Variants in RBFOX1 observed in about 807,000 individuals in gnomAD.
RBFOX1 encodes RNA binding protein fox-1 homolog 1.
RBFOX1 carries 8 observed loss-of-function variants against 57.7 expected under a neutral mutation model. That is an observed-to-expected ratio of 0.14 (90% CI 0.08 to 0.25). The LOEUF (loss-of-function observed/expected upper bound fraction) is 0.25, where lower values mean the gene tolerates loss of function less well. Among genes scored for constraint, RBFOX1 ranks in the 10% least tolerant of loss-of-function variants. The pLI is 1.00. For synonymous variants in RBFOX1, 326 were observed against 222.4 expected (o/e 1.47, Z -4.15); for missense variants, 611 against 548.5 (o/e 1.11, Z -1.14).
chr16:7,152,911 T>A (rs2076369629), intron 4 of RBFOX1, among the ~76,000 whole-genome samples: 1 of 152,172 alleles, frequency 6.6e-6, no homozygotes, highest in Non-Finnish European at 1.5e-5. Flanking sequence ...CAGAGATGTT[T>A]TCTGAGAACA....
intron 3 of RBFOX1, among the ~76,000 whole-genome samples, chr16:5,634,729 C>T (rs761259109): frequency 8.5e-5 from 13 of 152,156 alleles, no homozygotes; most frequent in African/African-American, 1.4e-4. Context: ...GGCCCACCAG[C>T]GTATTCTCTC....
rs537196969 is a variant in RBFOX1, at chr16:7,163,433, C to T, written c.27+111335C>T. On this transcript the variant is annotated intron_variant, in intron 4 of 15. Coordinates refer to ENST00000550418, the MANE Select transcript of RBFOX1 (RefSeq NM_018723.4). ...GTGTATGAAGCGGCTGGTCTGGTGA[C>T]GTTTTGCTTTGCAAGTGGGTGACTG... 3.3e-5 allele frequency among the ~76,000 whole-genome samples: 5 copies of T among 152,172 alleles called. No individual in the cohort carries two copies. The East Asian group carries it at 5.8e-4, about 18-fold the overall frequency.
At position 6,959,102 on chromosome 16, in the gene RBFOX1, T is replaced by C. The variant is rs555087321; in HGVS notation, c.-15-92955T>C. Among the ~76,000 whole-genome samples, 8 of 152,324 alleles carry C rather than the reference T, an allele frequency of 5.3e-5. No homozygotes were observed. In the South Asian group the frequency reaches 1.7e-3, roughly 32 times the overall value. ...GCATAAAGATAGGCATTTTCTTTTT[T>C]CTATCGGCTTTGTCTTTTCAGAAAT... On this transcript the variant is annotated intron_variant, in intron 3 of 15. Coordinates refer to ENST00000550418, the MANE Select transcript of RBFOX1 (RefSeq NM_018723.4).
intron 2 of RBFOX1, among the ~76,000 whole-genome samples, chr16:6,345,112 C>A (rs1263811537): frequency 6.6e-6 from 1 of 152,150 alleles, no homozygotes; most frequent in Non-Finnish European, 1.5e-5. Flanking sequence ...AAGCATTCTC[C>A]TGTTTGCCAC....
chr16:7,000,426 T>C (rs1281574714), intron 3 of RBFOX1, among the ~76,000 whole-genome samples: 4 of 152,148 alleles, frequency 2.6e-5, no homozygotes, highest in African/African-American at 9.6e-5. Context: ...CCGGGTCATT[T>C]TTATGCAACA....
rs138262849 is a variant in RBFOX1, at chr16:5,808,251, G to C, written c.319-59052G>C. On this transcript the variant is annotated intron_variant, in intron 3 of 19. Transcript: ENST00000641259. ...AGAAAAGACATAGGAATATTTCTGA[G>C]GGCTGTGTTCTGTTCCACTGATCTA... 2.2e-3 allele frequency among the ~76,000 whole-genome samples: 329 copies of C among 152,306 alleles called. 2 individuals are homozygous for C. Among genetic ancestry groups the C allele is most frequent in the African/African-American group, 7.2e-3 (300 of 41,582 alleles).
chr16:7,021,225 T>A (rs1442110223), intron 3 of RBFOX1, among the ~76,000 whole-genome samples: 2 of 151,980 alleles, frequency 1.3e-5, no homozygotes, highest in Admixed American at 1.3e-4. Context: ...AATTGTTGTT[T>A]CTTATGTGTT....
intron 2 of RBFOX1, among the ~76,000 whole-genome samples, chr16:6,465,884 T>G (rs77684415): frequency 7.5e-5 from 11 of 146,318 alleles, no homozygotes; most frequent in South Asian, 2.2e-4. Flanking sequence ...ATTTGTGTGT[T>G]TGTGTGTGTG....
At chr16:7,458,346 T>G (rs1003912556) in intron 4 of RBFOX1, among the ~76,000 whole-genome samples, 2 of 152,196 alleles carry the variant, frequency 1.3e-5, no homozygotes, top group Admixed American at 6.5e-5. Context: ...CAGTCCACTT[T>G]GTGCCCAGAT....
At chr16:5,395,420 G>A (rs2066522879) in intron 1 of RBFOX1, among the ~76,000 whole-genome samples, 1 of 151,216 alleles carries the variant, frequency 6.6e-6, no homozygotes, top group Admixed American at 6.6e-5. Context: ...TGTGAATAAC[G>A]CAGTTGCGGG....
intron 3 of RBFOX1, among the ~76,000 whole-genome samples, chr16:5,625,146 C>T (rs1390241848): frequency 6.6e-6 from 1 of 152,132 alleles, no homozygotes; most frequent in African/African-American, 2.4e-5. Context: ...TCTTTCTTAC[C>T]AAAGTGCACT....
At chr16:5,781,053 C>G (rs1477913341) in intron 3 of RBFOX1, among the ~76,000 whole-genome samples, 7 of 152,266 alleles carry the variant, frequency 4.6e-5, no homozygotes, top group Admixed American at 4.6e-4. Flanking sequence ...TTCTGTTAAA[C>G]TTGGGTTTGG....
intron 1 of RBFOX1, among the ~76,000 whole-genome samples, chr16:5,331,843 C>A (rs2064765816): frequency 1.3e-5 from 2 of 152,194 alleles, no homozygotes; most frequent in African/African-American, 4.8e-5. Context: ...GGTGACCATG[C>A]CCACCCTGGG....
Position 6,899,165 on chromosome 16 carries a change from T to C in RBFOX1, c.-15-152892T>C, listed in dbSNP as rs190302533. Among the ~76,000 whole-genome samples the C allele has an allele frequency of 1.9e-4, 27 of 144,540 alleles. No homozygotes were observed. The East Asian group carries it at 5.1e-3, about 27-fold the overall frequency. The allele number at this position is 144,540 out of a possible 152,430, so 94.8% of individuals were successfully genotyped here. A position where few individuals can be genotyped will look rare whatever the true frequency, so the allele number is the denominator to read the frequency against. On this transcript the variant is annotated intron_variant, in intron 3 of 15. Coordinates refer to ENST00000550418, the MANE Select transcript of RBFOX1 (RefSeq NM_018723.4). ...TATGGACACACGTGTATGTAACATG[T>C]GTATGTGTGTGTATAATATGTGTGT...
intron 3 of RBFOX1, among the ~76,000 whole-genome samples, chr16:6,892,142 G>A (rs1310148672): frequency 1.3e-5 from 2 of 152,170 alleles, no homozygotes; most frequent in Non-Finnish European, 2.9e-5. Context: ...CCTGGTTGGT[G>A]ATTGCAGACC....
intron 2 of RBFOX1, among the ~76,000 whole-genome samples, chr16:6,319,294 T>G (rs2081480104): frequency 1.3e-5 from 2 of 152,174 alleles, no homozygotes; most frequent in African/African-American, 2.4e-5. Flanking sequence ...CTTCCAAAAT[T>G]TGGTTATTCT....
chr16:6,940,759 C>T (rs888139585), intron 3 of RBFOX1, among the ~76,000 whole-genome samples: 2 of 127,930 alleles, frequency 1.6e-5, no homozygotes, highest in East Asian at 2.2e-4. Context: ...CACCATGTCC[C>T]GCTAGTGTGT....
At chr16:5,505,258 C>T (rs1329595608) in intron 2 of RBFOX1, among the ~76,000 whole-genome samples, 3 of 152,216 alleles carry the variant, frequency 2.0e-5, no homozygotes, top group Non-Finnish European at 4.4e-5. Flanking sequence ...GTGCTTAACG[C>T]AGGGGGCGTT....
chr16:5,781,922 C>A (rs1021816585), intron 3 of RBFOX1, among the ~76,000 whole-genome samples: 1 of 152,186 alleles, frequency 6.6e-6, no homozygotes, highest in Non-Finnish European at 1.5e-5. Context: ...AGAACAGGAA[C>A]AGGCCAGGCG....
Sources: gnomAD v4.1 joint callset for allele counts (sites outside exome capture counted in the v4.1 genomes callset) on GRCh38, gnomAD v4.1.1 for gene constraint, MANE v1.5 for transcripts, NCBI Gene and HGNC (gene_info 2026-07-23, HGNC 2026-07-21) for gene names.